RIC1: variants seen among roughly 807,000 people sequenced by gnomAD.
RIC1 encodes guanine nucleotide exchange factor subunit RIC1.
RIC1 carries 88 observed loss-of-function variants against 169.0 expected under a neutral mutation model. That is an observed-to-expected ratio of 0.52 (90% CI 0.44 to 0.62). The LOEUF (loss-of-function observed/expected upper bound fraction) is 0.62. Among genes scored for constraint, RIC1 ranks in the 20% least tolerant of loss-of-function variants. RIC1 has a pLI of 0.00. For missense variants in RIC1, 1,877 were observed against 1,725.5 expected (o/e 1.09, Z -1.56); for synonymous variants, 790 against 601.5 (o/e 1.31, Z -4.59).
intron 3 of RIC1, among the ~76,000 whole-genome samples, chr9:5,706,481 C>T (rs886855812): frequency 6.6e-6 from 1 of 152,004 alleles, no homozygotes; most frequent in African/African-American, 2.4e-5. Flanking sequence ...AAAGTGTTCC[C>T]TCCTCTTACC....
At chr9:5,752,655 C>G (rs188896978) in intron 12 of RIC1, among the ~76,000 whole-genome samples, 1 of 152,200 alleles carries the variant, frequency 6.6e-6, no homozygotes, top group Admixed American at 6.5e-5. Context: ...AGGCTGGTCA[C>G]AAACTCCTGA....
intron 15 of RIC1, among the ~76,000 whole-genome samples, chr9:5,755,203 A>G (rs994676218): frequency 6.6e-6 from 1 of 152,182 alleles, no homozygotes; most frequent in Non-Finnish European, 1.5e-5. Context: ...GTTAAAAGCA[A>G]AAAATTTCAT....
chr9:5,669,955 T>C (rs921850743), intron 2 of RIC1, among the ~76,000 whole-genome samples: 1 of 152,046 alleles, frequency 6.6e-6, no homozygotes, highest in Non-Finnish European at 1.5e-5. Context: ...CTAAACTGGA[T>C]TTTATAAGGA....
chr9:5,696,354 T>C (rs1466954231), intron 3 of RIC1, among the ~76,000 whole-genome samples: 2 of 152,122 alleles, frequency 1.3e-5, no homozygotes, highest in Admixed American at 6.5e-5. Context: ...ACAATTCCTA[T>C]TTAATGCCTC....
chr9:5,727,390 C>T (rs113558184), intron 6 of RIC1, among the ~76,000 whole-genome samples: 27 of 152,264 alleles, frequency 1.8e-4, no homozygotes, highest in African/African-American at 6.0e-4. Flanking sequence ...AGCTCCATCA[C>T]GTCATTTTAG....
chr9:5,758,747 T>G (rs1826160124), intron 17 of RIC1, among the ~76,000 whole-genome samples: 1 of 149,184 alleles, frequency 6.7e-6, no homozygotes, highest in Non-Finnish European at 1.5e-5. Flanking sequence ...TTTTTGTCCT[T>G]TTTTCTTTTT....
In RIC1 at chr9:5,765,559, C is replaced by T; in HGVS notation, c.2987C>T (p.Thr996Ile). The T allele has an allele frequency of 1.9e-6, 3 of 1,614,070 alleles. No homozygotes were observed. Among genetic ancestry groups the T allele is most frequent in the Non-Finnish European group, 2.5e-6 (3 of 1,179,938 alleles). ...GSGESETPPS[T>I]PTAQEPSSSG... ...GGAGAATCTGAGACACCTCCATCCA[C>T]ACCCACAGCTCAGGTTAGTTGCAAA... Residue 996 changes from threonine (T) to isoleucine (I), a missense_variant, in exon 20 of 26, where the codon ACA (threonine) becomes ATA (isoleucine). Thr to Ile is a moderately conservative substitution (Grantham distance 89). This residue lies in a region of RIC1 where 681 missense variants were observed against 582.0 expected (regional missense o/e 1.17). Transcript: ENST00000414202.
chr9:5,662,478 T>TG lies in RIC1; in HGVS notation c.252+5791dup, dbSNP rs34185870. Among the ~76,000 whole-genome samples, 187 of 151,772 alleles carry TG rather than the reference T, an allele frequency of 1.2e-3. 3 individuals are homozygous for TG. In the East Asian group the frequency reaches 0.018, roughly 14 times the overall value. On this transcript the variant is annotated intron_variant, in intron 2 of 25. Transcript: ENST00000414202. ...TCTGTCCTGGGCTGGTTTTTTTTTT[T>TG]GGGTTGCTAGGCTCTTTATTACTTC...
In RIC1 at chr9:5,775,954, C is replaced by G. The variant is rs1827559582; in HGVS notation, c.*1708C>G. Reference sequence around the variant, plus strand: ...TGAGTACATGCAGCCCAGCAAGAAACTAAACTGAACTCTCTTCTCCTATCC... The same window carrying G: ...TGAGTACATGCAGCCCAGCAAGAAAGTAAACTGAACTCTCTTCTCCTATCC... On this transcript the variant is annotated 3_prime_UTR_variant, in exon 26 of 26. Coordinates refer to ENST00000414202, the MANE Select transcript of RIC1 (RefSeq NM_020829.4). The G allele has an allele frequency of 6.6e-6, 1 of 152,114 alleles. No homozygotes were observed. Among genetic ancestry groups the G allele is most frequent in the African/African-American group, 2.4e-5 (1 of 41,428 alleles). The allele number at this position is 152,114 out of a possible 1,614,324, so 9.4% of individuals were successfully genotyped here.
chr9:5,771,285 A>G lies in RIC1; in HGVS notation c.3616+1007A>G, dbSNP rs138664366. Among the ~76,000 whole-genome samples the G allele has an allele frequency of 5.1e-3, 781 of 152,278 alleles. 3 individuals carry two copies. Among genetic ancestry groups the G allele is most frequent in the Middle Eastern group, 0.01 (3 of 294 alleles). ...TTTTCTCTCTGAATTTGACTATTCT[A>G]GGTACTTCATATAAGGAAATCATAT... On this transcript the variant is annotated intron_variant, in intron 23 of 25. Transcript: ENST00000414202.
At position 5,776,255 on chromosome 9, in the gene RIC1, G is replaced by C. The variant is rs1827578183; in HGVS notation, c.*2009G>C. 6.6e-6 allele frequency: 1 copy of C among 151,988 alleles called. No homozygotes were observed. Among genetic ancestry groups the C allele is most frequent in the Admixed American group, 6.6e-5 (1 of 15,256 alleles). 9.4% of individuals were successfully genotyped at this position (151,988 alleles called of 1,614,324 possible). On this transcript the variant is annotated 3_prime_UTR_variant, in exon 26 of 26. Coordinates refer to ENST00000414202, the MANE Select transcript of RIC1 (RefSeq NM_020829.4). The stretch of plus-strand genomic sequence containing the variant: ...GGCCCCCAGGCAAGAAGTTTGGCAG[G>C]TTTACAGAAAATTTGGTAATTTATT...
At chr9:5,755,395 T>C (rs1825945698) in intron 15 of RIC1, among the ~76,000 whole-genome samples, 1 of 152,182 alleles carries the variant, frequency 6.6e-6, no homozygotes, top group Non-Finnish European at 1.5e-5. Flanking sequence ...AAAGTTTAAT[T>C]TGTAAGAGAT....
chr9:5,708,130 GAAGTAAT>G (rs757572146), intron 3 of RIC1, among the ~76,000 whole-genome samples: 3 of 152,050 alleles, frequency 2.0e-5, no homozygotes, highest in Non-Finnish European at 2.9e-5. Flanking sequence ...AGCCTAGTTT[GAAGTAAT>G]ACCAACTTAG....
rs559352509 is a variant in RIC1 at position 5,726,601 on chromosome 9, G to A, written c.721-5787G>A. Among the ~76,000 whole-genome samples, 116 of 152,304 alleles carry A rather than the reference G, an allele frequency of 7.6e-4. 1 individual carries two copies. Among genetic ancestry groups the A allele is most frequent in the Middle Eastern group, 6.8e-3 (2 of 294 alleles). On this transcript the variant is annotated intron_variant, in intron 6 of 25. Transcript: ENST00000414202. ...GTGAATTTGATCCTGTCATTATGAT[G>A]TTAGCTGGTTATTTTGCACATTAGT...
At position 5,763,150 on chromosome 9, in the gene RIC1, G is replaced by C. The variant is rs771541328; in HGVS notation, c.2123G>C (p.Cys708Ser). ...PNNQRKLLPF[C>S]PPVVLAQSVE... Reference sequence around the variant, plus strand: ...TCTCTCCTTCTCCAGCTGCCATTCTGTCCTCCTGTTGTACTAGCCCAGTCT... The same window carrying C: ...TCTCTCCTTCTCCAGCTGCCATTCTCTCCTCCTGTTGTACTAGCCCAGTCT... Residue 708 changes from cysteine to serine, a missense_variant, in exon 19 of 26, where the codon TGT (cysteine) becomes TCT (serine). By Grantham distance (112) the Cys-to-Ser change is moderately radical (BLOSUM62 -1). Around this residue, in one of 3 missense-constraint regions of RIC1, gnomAD observed 1,104 missense variants for 992.0 expected, o/e 1.11. Transcript: ENST00000414202. This position sits in a 1 kb window ranked among gnomAD's most constrained non-coding sequence, Gnocchi z 5.2. 1.2e-6 allele frequency: 2 copies of C among 1,613,484 alleles called. No homozygotes were observed. The highest frequency in any genetic ancestry group is 1.7e-6 in the Non-Finnish European group (2 of 1,179,500).
chr9:5,743,898 A>G (rs1825225350), intron 10 of RIC1, among the ~76,000 whole-genome samples, 161 bp downstream of exon 10: 1 of 152,020 alleles, frequency 6.6e-6, no homozygotes, highest in African/African-American at 2.4e-5. Flanking sequence ...CAGCCTCTCT[A>G]AGCGATCCTC....
At chr9:5,744,485 G>A (rs987718890) in intron 10 of RIC1, among the ~76,000 whole-genome samples, 1 of 152,154 alleles carries the variant, frequency 6.6e-6, no homozygotes, top group Non-Finnish European at 1.5e-5. Flanking sequence ...AAGTATTTCA[G>A]ATTTTGGAAC....
chr9:5,685,843 T>C (rs1156438356), intron 2 of RIC1, among the ~76,000 whole-genome samples: 1 of 135,212 alleles, frequency 7.4e-6, no homozygotes, highest in African/African-American at 2.6e-5. Context: ...ACAGGCAACC[T>C]ACAACATGGG....
intron 1 of RIC1, among the ~76,000 whole-genome samples, chr9:5,639,700 A>G (rs368419320): frequency 2.0e-5 from 3 of 152,226 alleles, no homozygotes; most frequent in African/African-American, 4.8e-5. Context: ...GTCTCCAGCT[A>G]TCATATTGAG....
Sources: gnomAD v4.1 joint callset for allele counts (sites outside exome capture counted in the v4.1 genomes callset) on GRCh38, gnomAD v4.1.1 for gene constraint, gnomAD v4.1.1 regional missense constraint, Gnocchi (gnomAD v3.1) non-coding constraint, MANE v1.5 for transcripts, NCBI Gene and HGNC (gene_info 2026-07-23, HGNC 2026-07-21) for gene names.